IPCEF1: variants seen among roughly 807,000 people sequenced by gnomAD.
The protein encoded by IPCEF1 is interactor protein for cytohesin exchange factors 1.
IPCEF1 carries 31 observed loss-of-function variants against 50.9 expected under a neutral mutation model. The ratio of observed to expected loss-of-function variants is 0.61; its 90% CI spans 0.46 to 0.82. The LOEUF is 0.82. Ranked by LOEUF, IPCEF1 falls within the 40% of genes least tolerant of loss-of-function variation. The probability of loss-of-function intolerance (pLI) is 0.00; values close to 1 mark genes in which losing one functional copy is unlikely to be tolerated. For missense variants in IPCEF1, 458 were observed against 514.0 expected, an observed-to-expected ratio of 0.89 and a Z score of 1.05; for synonymous variants, 181 against 192.0, an observed-to-expected ratio of 0.94 and a Z score of 0.47.
intron 10 of IPCEF1, among the ~76,000 whole-genome samples, chr6:154,195,143 C>CTTTTTTTTTT (rs1162086187): frequency 7.5e-6 from 1 of 133,486 alleles, no homozygotes; most frequent in African/African-American, 3.0e-5. Context: ...TTTTTCTTTT[C>CTTTTTTTTTT]TTTCTTTTTT....
intron 5 of IPCEF1, among the ~76,000 whole-genome samples, chr6:154,234,359 A>G (rs1419135232): frequency 6.6e-6 from 1 of 152,160 alleles, no homozygotes; most frequent in African/African-American, 2.4e-5. Flanking sequence ...GAACTTTATT[A>G]ACTTTTCTAC....
chr6:154,329,539 C>T (rs1299836899), intron 1 of IPCEF1, among the ~76,000 whole-genome samples: 1 of 151,128 alleles, frequency 6.6e-6, no homozygotes, highest in African/African-American at 2.4e-5. Context: ...TGCAGTGAGC[C>T]ATGACCGCGC....
chr6:154,194,699 G>T (rs1162880664), intron 10 of IPCEF1, among the ~76,000 whole-genome samples: 1 of 152,092 alleles, frequency 6.6e-6, no homozygotes, highest in South Asian at 2.1e-4. Flanking sequence ...AAAAACAAAG[G>T]TAATGTAAAA....
chr6:154,249,907 G>T (rs1030062340), intron 3 of IPCEF1, among the ~76,000 whole-genome samples: 1 of 44,290 alleles, frequency 2.3e-5, no homozygotes, highest in Admixed American at 2.7e-4. Context: ...CTCAAAGAAA[G>T]GCTTTTTTTT....
At chr6:154,227,962 A>T (rs1779394432) in intron 5 of IPCEF1, among the ~76,000 whole-genome samples, 1 of 143,422 alleles carries the variant, frequency 7.0e-6, no homozygotes, top group African/African-American at 2.6e-5. Context: ...TTGTGTCAAA[A>T]AATGGTCCTT....
intron 1 of IPCEF1, among the ~76,000 whole-genome samples, chr6:154,348,333 T>C (rs2499638): frequency 2.6e-5 from 4 of 152,056 alleles, no homozygotes; most frequent in African/African-American, 9.6e-5. Flanking sequence ...CAGAGTAAAA[T>C]CCAGCTCTAG....
intron 10 of IPCEF1, among the ~76,000 whole-genome samples, chr6:154,190,184 C>T (rs1294602321): frequency 6.6e-6 from 1 of 152,034 alleles, no homozygotes; most frequent in African/African-American, 2.4e-5. Context: ...AAATCATTAA[C>T]TTGTACATGT....
At chr6:154,196,562 T>A (rs1776639431) in intron 10 of IPCEF1, among the ~76,000 whole-genome samples, 2 of 152,216 alleles carry the variant, frequency 1.3e-5, no homozygotes, top group Non-Finnish European at 2.9e-5. Flanking sequence ...GGTTTCTTCA[T>A]TCATTAAGTA....
intron 2 of IPCEF1, among the ~76,000 whole-genome samples, chr6:154,266,906 C>T (rs1781770827): frequency 6.6e-6 from 1 of 152,136 alleles, no homozygotes; most frequent in Non-Finnish European, 1.5e-5. Flanking sequence ...CTGAAACTCT[C>T]CCCAAAGCAG....
At chr6:154,307,644 T>C (rs2128678672) in intron 1 of IPCEF1, among the ~76,000 whole-genome samples, 1 of 152,338 alleles carries the variant, frequency 6.6e-6, no homozygotes, top group South Asian at 2.1e-4. Flanking sequence ...ACCCGCCAAG[T>C]AGTCTCTTTC....
intron 10 of IPCEF1, among the ~76,000 whole-genome samples, chr6:154,199,217 C>T (rs966283368): frequency 1.6e-4 from 24 of 152,152 alleles, no homozygotes; most frequent in African/African-American, 5.1e-4. Context: ...ATTCAGGAGC[C>T]GACAGGCTAA....
intron 5 of IPCEF1, among the ~76,000 whole-genome samples, chr6:154,245,282 G>A (rs1583894705): frequency 1.6e-5 from 2 of 122,914 alleles, no homozygotes; most frequent in East Asian, 2.1e-4. Flanking sequence ...CTCACCAAAT[G>A]CTTGGAAAAA....
intron 1 of IPCEF1, among the ~76,000 whole-genome samples, chr6:154,317,617 CA>C (rs1359576503): frequency 7.1e-6 from 1 of 141,648 alleles, no homozygotes; most frequent in Non-Finnish European, 1.6e-5. Context: ...TAAAAATGGC[CA>C]AAAAATACAT....
At chr6:154,160,488 A>G (rs575464949) in intron 11 of IPCEF1, among the ~76,000 whole-genome samples, 3 of 152,384 alleles carry the variant, frequency 2.0e-5, no homozygotes, top group Admixed American at 1.3e-4. Context: ...AGATTTTATT[A>G]AATTATCTTT....
chr6:154,259,073 G>A (rs1378575980), intron 3 of IPCEF1, among the ~76,000 whole-genome samples: 1 of 152,022 alleles, frequency 6.6e-6, no homozygotes, highest in Non-Finnish European at 1.5e-5. Flanking sequence ...AAAATACCTT[G>A]GCTAATAAAT....
chr6:154,267,597 G>C (rs1194885380), intron 2 of IPCEF1, among the ~76,000 whole-genome samples: 1 of 152,206 alleles, frequency 6.6e-6, no homozygotes, highest in Non-Finnish European at 1.5e-5. Flanking sequence ...GTAGAGGGGA[G>C]CAAGATGAAG....
chr6:154,208,949 T>G (rs1028372324), intron 9 of IPCEF1, among the ~76,000 whole-genome samples: 1 of 152,180 alleles, frequency 6.6e-6, no homozygotes, highest in Non-Finnish European at 1.5e-5. Context: ...GGATGTTCTT[T>G]CCACTATCAA....
At chr6:154,279,901 A>G (rs1043350109) in intron 2 of IPCEF1, among the ~76,000 whole-genome samples, 9 of 152,336 alleles carry the variant, frequency 5.9e-5, no homozygotes, top group Middle Eastern at 3.4e-3. Flanking sequence ...TAGCCAATAT[A>G]CATAGGAGAG....
intron 6 of IPCEF1, 165 bp downstream of exon 6, chr6:154,223,005 T>C: frequency 1.6e-6 from 1 of 628,604 alleles, no homozygotes; most frequent in Non-Finnish European, 2.8e-6. Context: ...AAATGAGAGG[T>C]TAAATGCTTC....
Sources: gnomAD v4.1 joint callset for allele counts (sites outside exome capture counted in the v4.1 genomes callset) on GRCh38, gnomAD v4.1.1 for gene constraint, MANE v1.5 for transcripts, NCBI Gene and HGNC (gene_info 2026-07-23, HGNC 2026-07-21) for gene names.